LTO1: variants seen among roughly 807,000 people sequenced by gnomAD.
The protein encoded by LTO1 is protein LTO1 homolog.
Under a neutral mutation model 19.8 loss-of-function variants are expected in LTO1, and 18 were observed. That is an observed-to-expected ratio of 0.91 (90% confidence interval 0.63 to 1.35). LTO1 has a LOEUF of 1.35. LTO1 is among the 40% of genes most tolerant of loss of function. LTO1 has a pLI of 0.00. For missense variants in LTO1, 175 were observed against 167.9 expected (o/e 1.04, Z -0.23); for synonymous variants, 59 against 59.6 (o/e 0.99, Z 0.05).
Position 69,675,226 on chromosome 11 carries a change from T to C in LTO1, c.14A>G (p.Gln5Arg). 6.6e-7 allele frequency: 1 copy of C among 1,520,726 alleles called. No individual in the cohort carries two copies. The highest frequency in any genetic ancestry group is 1.3e-5 in the South Asian group (1 of 77,416). 94.2% of individuals were successfully genotyped at this position (1,520,726 alleles called of 1,614,324 possible). MAGS[Q>R]DIFDAIVMAD... ...CATCACGATGGCATCGAATATGTCC[T>C]GACTGCCAGCCATAGCGGCAAGCAG... Residue 5 changes from glutamine to arginine, a missense_variant, in exon 1 of 5, where the codon CAG becomes CGG. Transcript: ENST00000279147.
chr11:69,667,518 C>T lies in LTO1; in HGVS notation c.*1G>A. The stretch of plus-strand genomic sequence containing the variant: ...GTTCGGTCTCTGTTCATCCATCCTC[C>T]TCAAAATGAAAGTCCGGAACCTTCT... On this transcript the variant is annotated 3_prime_UTR_variant, in exon 5 of 5. Coordinates refer to ENST00000279147, the MANE Select transcript of LTO1 (RefSeq NM_153451.3). 6.2e-7 allele frequency: 1 copy of T among 1,600,078 alleles called. No homozygotes were observed. The highest frequency in any genetic ancestry group is 1.7e-5 in the Admixed American group (1 of 60,012).
chr11:69,670,382 T>G (rs983390569), intron 3 of LTO1, among the ~76,000 whole-genome samples: 6 of 152,012 alleles, frequency 3.9e-5, no homozygotes, highest in African/African-American at 1.4e-4. Context: ...TGGCCTGGAG[T>G]TGAGAGCCAG....
Position 69,667,638 on chromosome 11 carries a change from A to G in LTO1, c.346-51T>C, listed in dbSNP as rs878927592. 3 of 1,288,836 alleles carry G rather than the reference A, an allele frequency of 2.3e-6. No individual in the cohort carries two copies. The South Asian group carries it at 3.6e-5, about 15-fold the overall frequency. The allele number at this position is 1,288,836 out of a possible 1,614,324, so 79.8% of individuals were successfully genotyped here. On this transcript the variant is annotated intron_variant, in intron 4 of 4. Coordinates refer to ENST00000279147, the MANE Select transcript of LTO1 (RefSeq NM_153451.3). ...TTTAATCTTGTGCATTTTTACTGAA[A>G]AATGAGAAGATAACTCTATCTCTAG...
intron 3 of LTO1, among the ~76,000 whole-genome samples, chr11:69,669,223 C>T (rs1001896335): frequency 6.6e-6 from 1 of 152,032 alleles, no homozygotes; most frequent in Non-Finnish European, 1.5e-5. Flanking sequence ...CACAGGTGGT[C>T]CTGAGAAGCA....
chr11:69,667,607 G>A lies in LTO1; in HGVS notation c.346-20C>T. 6.5e-7 allele frequency: 1 copy of A among 1,543,226 alleles called. No homozygotes were observed. The highest frequency in any genetic ancestry group is 9.0e-7 in the Non-Finnish European group (1 of 1,116,028). On this transcript the variant is annotated intron_variant, in intron 4 of 4. Transcript: ENST00000279147. ...ACAAAACTGAAAACACAAAAGAGATGGTATTTTTAATCTTGTGCATTTTTA... is the reference window on the plus strand; with the variant it reads ...ACAAAACTGAAAACACAAAAGAGATAGTATTTTTAATCTTGTGCATTTTTA...
chr11:69,670,025 A>C lies in LTO1; in HGVS notation c.227+1724T>G, dbSNP rs181989495. ...TTAAAAAAAAACAAAAAACAAAAAAAAAAACCTGACATGTAAGATCTAAAC... is the reference window on the plus strand; with the variant it reads ...TTAAAAAAAAACAAAAAACAAAAAACAAAACCTGACATGTAAGATCTAAAC... On this transcript the variant is annotated intron_variant, in intron 3 of 4. Transcript: ENST00000279147. Among the ~76,000 whole-genome samples, 633 of 152,244 alleles carry C rather than the reference A, an allele frequency of 4.2e-3. 5 individuals carry two copies. Among genetic ancestry groups the C allele is most frequent in the Non-Finnish European group, 5.5e-3 (377 of 68,016 alleles).
chr11:69,667,739 C>T (rs965600545), intron 4 of LTO1, 152 bp from the exon 5 acceptor site: 3 of 711,658 alleles, frequency 4.2e-6, no homozygotes, highest in Non-Finnish European at 7.4e-6. Flanking sequence ...CTTCAGTTTT[C>T]CTGCACTGCG....
Position 69,673,304 on chromosome 11 carries a change from T to A in LTO1, c.68A>T (p.Tyr23Phe). 1 of 1,608,918 alleles carries A rather than the reference T, an allele frequency of 6.2e-7. No individual in the cohort carries two copies. Among genetic ancestry groups the A allele is most frequent in the East Asian group, 2.2e-5 (1 of 44,856 alleles). ...ACTGCCTTCTTCATAGCCTTCCCGA[T>A]ACCCTTCCCCATGAAACCTGTGAAG... ...MADERFHGEGYREGYEEGSSL... is the reference protein window; with the variant it reads ...MADERFHGEGFREGYEEGSSL... Residue 23 changes from tyrosine (Y) to phenylalanine (F), a missense_variant, in exon 2 of 5, where the codon TAT becomes TTT. Transcript: ENST00000279147.
At chr11:69,672,239 T>C (rs1373867402) in intron 2 of LTO1, 1 of 177,588 alleles carries the variant, frequency 5.6e-6, no homozygotes, top group African/African-American at 2.3e-5. Context: ...CACAGTCAGG[T>C]GACAGCACCA....
In LTO1 at chr11:69,671,811, GCA is replaced by G. The variant is rs1393521719; in HGVS notation, c.163_164del (p.Cys55LeufsTer18). ...TCCATGCAAAAGCAAAACCTTGGTA[GCA>G]CCCGATCTGTGAATGTGAAAAATAT... ...HGAKIGSEIG[C>X]YQGFAFAWKC... On this transcript the variant is annotated frameshift_variant, in exon 3 of 5. Transcript: ENST00000279147. LOFTEE classifies it high-confidence loss of function. The G allele has an allele frequency of 1.3e-6, 2 of 1,582,784 alleles. No homozygotes were observed. The highest frequency in any genetic ancestry group is 1.7e-6 in the Non-Finnish European group (2 of 1,151,430).
chr11:69,670,220 C>T (rs550824466), intron 3 of LTO1, among the ~76,000 whole-genome samples: 3 of 152,292 alleles, frequency 2.0e-5, no homozygotes, highest in East Asian at 1.9e-4. Context: ...TGCTTTCAGA[C>T]GTCAGCAAAC....
chr11:69,667,490 G>A lies in LTO1; in HGVS notation c.*29C>T, dbSNP rs1270376046. 17 of 1,450,362 alleles carry A rather than the reference G, an allele frequency of 1.2e-5. No individual in the cohort carries two copies. Among genetic ancestry groups the A allele is most frequent in the Admixed American group, 5.0e-5 (3 of 59,712 alleles). 89.8% of individuals were successfully genotyped at this position (1,450,362 alleles called of 1,614,324 possible). A position where few individuals can be genotyped will look rare whatever the true frequency, so the allele number is the denominator to read the frequency against. On this transcript the variant is annotated 3_prime_UTR_variant, in exon 5 of 5. Transcript: ENST00000279147. ...CACGTCACACACACATCTGTTCCTC[G>A]ACGTTCGGTCTCTGTTCATCCATCC...
At position 69,670,724 on chromosome 11, in the gene LTO1, A is replaced by G. The variant is rs1305525835; in HGVS notation, c.227+1025T>C. Among the ~76,000 whole-genome samples the G allele has an allele frequency of 2.0e-5, 3 of 152,210 alleles. No individual in the cohort carries two copies. The East Asian group carries it at 5.8e-4, about 29-fold the overall frequency. On this transcript the variant is annotated intron_variant, in intron 3 of 4. Transcript: ENST00000279147. ...CCTTGTGCCCCTCCCACGCTAGGCAAGGCCACCAGGTGTCAGAATGACGCA... is the reference window on the plus strand; with the variant it reads ...CCTTGTGCCCCTCCCACGCTAGGCAGGGCCACCAGGTGTCAGAATGACGCA...
intron 1 of LTO1, chr11:69,674,869 T>C (rs758085413): frequency 1.6e-6 from 1 of 623,300 alleles, no homozygotes; most frequent in South Asian, 1.5e-5. Context: ...AGCTCCCAGA[T>C]GGCAAAGGTC....
chr11:69,671,998 C>G (rs1450088425), intron 2 of LTO1, 179 bp from the exon 3 acceptor site: 1 of 578,838 alleles, frequency 1.7e-6, no homozygotes, highest in African/African-American at 1.9e-5. Flanking sequence ...ATCGGTGGGG[C>G]AGCCAGCCTC....
chr11:69,670,030 C>A (rs1590923501), intron 3 of LTO1, among the ~76,000 whole-genome samples: 2 of 150,472 alleles, frequency 1.3e-5, no homozygotes, highest in African/African-American at 4.9e-5. Flanking sequence ...AAAAAAAAAA[C>A]CTGACATGTA....
chr11:69,673,536 T>G (rs1186764276), intron 1 of LTO1, among the ~76,000 whole-genome samples: 1 of 152,128 alleles, frequency 6.6e-6, no homozygotes, highest in Non-Finnish European at 1.5e-5. Context: ...GCCCAGTTTC[T>G]TCATCTACAA....
Position 69,667,124 on chromosome 11 carries a change from T to G in LTO1, c.*395A>C. 1 of 184,014 alleles carries G rather than the reference T, an allele frequency of 5.4e-6. No homozygotes were observed. The highest frequency in any genetic ancestry group is 1.1e-5 in the Non-Finnish European group (1 of 89,504). 11.4% of individuals were successfully genotyped at this position (184,014 alleles called of 1,614,324 possible). ...CCGTCCAAACCTCCCATGAGCCTCATTCGGGGCCAACCATCTCTCTCATTG... is the reference window on the plus strand; with the variant it reads ...CCGTCCAAACCTCCCATGAGCCTCAGTCGGGGCCAACCATCTCTCTCATTG... On this transcript the variant is annotated 3_prime_UTR_variant, in exon 5 of 5. Coordinates refer to ENST00000279147, the MANE Select transcript of LTO1 (RefSeq NM_153451.3).
chr11:69,669,897 C>G (rs1288990383), intron 3 of LTO1, among the ~76,000 whole-genome samples: 2 of 152,158 alleles, frequency 1.3e-5, no homozygotes, highest in Non-Finnish European at 2.9e-5. Context: ...GTTACAATGC[C>G]CAGCATTTTG....
Sources: gnomAD v4.1 joint callset for allele counts (sites outside exome capture counted in the v4.1 genomes callset) on GRCh38, gnomAD v4.1.1 for gene constraint, MANE v1.5 for transcripts, NCBI Gene and HGNC (gene_info 2026-07-23, HGNC 2026-07-21) for gene names.